RAB12: variants seen among roughly 807,000 people sequenced by gnomAD.
The protein encoded by RAB12 is RAB12, member RAS oncogene family.
Under a neutral mutation model 28.4 loss-of-function variants are expected in RAB12, and 11 were observed. The observed-to-expected ratio is 0.39, with a 90% confidence interval of 0.24 to 0.64. The LOEUF (loss-of-function observed/expected upper bound fraction) is 0.64. RAB12 is among the 30% of genes least tolerant of loss of function. The probability of loss-of-function intolerance (pLI) is 0.50; values close to 1 mark genes in which losing one functional copy is unlikely to be tolerated. For missense variants in RAB12, 276 were observed against 351.1 expected (o/e 0.79, Z 1.71); for synonymous variants, 138 against 145.3 (o/e 0.95, Z 0.36).
chr18:8,613,305 A>G (rs1382113178), intron 1 of RAB12, among the ~76,000 whole-genome samples: 10 of 152,228 alleles, frequency 6.6e-5, no homozygotes, highest in Admixed American at 6.5e-4. Flanking sequence ...AAAGTTTGAG[A>G]AACAGAAAAA....
rs1223899021 is a variant in RAB12, at chr18:8,638,971, G to T, written c.*709G>T. ...AAATGTTTTTGAAACTATAGAAAAAGATTTTAAAACACGCTGCTGTCCTAA... is the reference window on the plus strand; with the variant it reads ...AAATGTTTTTGAAACTATAGAAAAATATTTTAAAACACGCTGCTGTCCTAA... On this transcript the variant is annotated 3_prime_UTR_variant, in exon 6 of 6. Transcript: ENST00000649141. 1 of 152,010 alleles carries T rather than the reference G, an allele frequency of 6.6e-6. No homozygotes were observed. The highest frequency in any genetic ancestry group is 1.5e-5 in the Non-Finnish European group (1 of 67,990). The allele number at this position is 152,010 out of a possible 1,614,324, so 9.4% of individuals were successfully genotyped here.
In RAB12 at chr18:8,638,712, T is replaced by A. The variant is rs2096020397; in HGVS notation, c.*450T>A. On this transcript the variant is annotated 3_prime_UTR_variant, in exon 6 of 6. Transcript: ENST00000649141. Reference sequence around the variant, plus strand: ...CTATCTTAAGTGCTTTTTCTTTATTTACAAGACATTTCCCCCAGTGGTAGC... The same window carrying A: ...CTATCTTAAGTGCTTTTTCTTTATTAACAAGACATTTCCCCCAGTGGTAGC... 1 of 154,512 alleles carries A rather than the reference T, an allele frequency of 6.5e-6. No homozygotes were observed. The highest frequency in any genetic ancestry group is 1.4e-5 in the Non-Finnish European group (1 of 69,386). 9.6% of individuals were successfully genotyped at this position (154,512 alleles called of 1,614,324 possible). A position where few individuals can be genotyped will look rare whatever the true frequency, so the allele number is the denominator to read the frequency against.
chr18:8,630,360 T>C (rs2148710564), intron 2 of RAB12, among the ~76,000 whole-genome samples: 1 of 152,338 alleles, frequency 6.6e-6, no homozygotes, highest in Admixed American at 6.5e-5. Flanking sequence ...AGTTATTATC[T>C]ATAGAAAGCA....
chr18:8,609,613 G>T lies in RAB12; in HGVS notation c.174G>T (p.Glu58Asp). The change falls in exon 1 of 6, where the codon GAG becomes GAT. Residue 58 changes from glutamate to aspartate, a missense_variant. Coordinates refer to ENST00000649141, the MANE Select transcript of RAB12 (RefSeq NM_001025300.3). Reference sequence around the variant, plus strand: ...GGCCGCTCCAGCGGGCGGAAGCCGAGCCCGGGGCCGACCCCCCGCGCGCGG... The same window carrying T: ...GGCCGCTCCAGCGGGCGGAAGCCGATCCCGGGGCCGACCCCCCGCGCGCGG... ...PPGPLQRAEA[E>D]PGADPPRAAE... The T allele has an allele frequency of 5.4e-6, 2 of 371,690 alleles. No homozygotes were observed. The highest frequency in any genetic ancestry group is 7.4e-6 in the Non-Finnish European group (2 of 271,426). 23.0% of individuals were successfully genotyped at this position (371,690 alleles called of 1,614,324 possible). A position where few individuals can be genotyped will look rare whatever the true frequency, so the allele number is the denominator to read the frequency against.
intron 5 of RAB12, among the ~76,000 whole-genome samples, chr18:8,637,231 G>A (rs11081399): frequency 0.12 from 18,382 of 150,128 alleles, 1,323 homozygotes; most frequent in Admixed American, 0.17. Flanking sequence ...AGCTATGATC[G>A]TATCTACACT....
At chr18:8,614,061 G>T (rs562869784) in intron 1 of RAB12, among the ~76,000 whole-genome samples, 51 of 152,300 alleles carry the variant, frequency 3.3e-4, no homozygotes, top group African/African-American at 1.2e-3. Flanking sequence ...CTTTCTGTCT[G>T]TTCCTTAGCT....
At chr18:8,624,107 C>T (rs1228696024) in intron 1 of RAB12, among the ~76,000 whole-genome samples, 1 of 152,254 alleles carries the variant, frequency 6.6e-6, no homozygotes, top group Non-Finnish European at 1.5e-5. Flanking sequence ...ACCCTGGGTC[C>T]CAAGGAAGCT....
In RAB12 at chr18:8,630,947, G is replaced by A. The variant is rs552880188; in HGVS notation, c.576-2242G>A. On this transcript the variant is annotated intron_variant, in intron 2 of 5. Coordinates refer to ENST00000649141, the MANE Select transcript of RAB12 (RefSeq NM_001025300.3). ...TCTGTCCCCTAGGCTGCAGTGCAGT[G>A]GCGCGATTGCAGTTAACTGCAACCT... is the stretch of plus-strand genomic sequence containing the variant. Among the ~76,000 whole-genome samples the A allele has an allele frequency of 4.6e-5, 7 of 152,382 alleles. No individual in the cohort carries two copies. In the South Asian group the frequency reaches 1.4e-3, roughly 32 times the overall value.
intron 2 of RAB12, among the ~76,000 whole-genome samples, chr18:8,632,007 G>A (rs2096016243): frequency 6.6e-6 from 1 of 152,088 alleles, no homozygotes; most frequent in South Asian, 2.1e-4. Flanking sequence ...TGGAGGCTGG[G>A]CTGGTAGCTT....
chr18:8,618,536 G>A (rs973585407), intron 1 of RAB12, among the ~76,000 whole-genome samples: 1 of 150,706 alleles, frequency 6.6e-6, no homozygotes, highest in Non-Finnish European at 1.5e-5. Context: ...TTGAGACAGA[G>A]CCTTGCTCTG....
chr18:8,610,461 T>A (rs1230148750), intron 1 of RAB12, among the ~76,000 whole-genome samples: 1 of 152,244 alleles, frequency 6.6e-6, no homozygotes, highest in Non-Finnish European at 1.5e-5. Flanking sequence ...AAAACTACAG[T>A]AAGTTTCTCG....
chr18:8,632,573 C>T (rs958683218), intron 2 of RAB12, among the ~76,000 whole-genome samples: 2 of 152,112 alleles, frequency 1.3e-5, no homozygotes, highest in African/African-American at 4.8e-5. Flanking sequence ...CCACGCCTGC[C>T]CCCAGCACTC....
rs776559461 is a variant in RAB12 at position 8,609,847 on chromosome 18, C to T, written c.408C>T (p.Asp136=). 2 of 1,582,578 alleles carry T rather than the reference C, an allele frequency of 1.3e-6. No individual in the cohort carries two copies. The highest frequency in any genetic ancestry group is 2.4e-5 in the East Asian group (1 of 40,886). ...RRRKQPPRPA[D]FKLQVIIIGS... ...GGAAGCAGCCCCCCAGGCCGGCCGA[C>T]TTCAAGTTGCAGGTCATCATTATCG... Residue 136 remains aspartate, a synonymous_variant, in exon 1 of 6, where the codon GAC becomes GAT. Transcript: ENST00000649141.
intron 1 of RAB12, among the ~76,000 whole-genome samples, chr18:8,618,714 G>A (rs190849798): frequency 1.2e-4 from 19 of 152,262 alleles, no homozygotes; most frequent in East Asian, 1.2e-3. Flanking sequence ...AGGTTTCACC[G>A]TGTTAGCCAG....
intron 3 of RAB12, among the ~76,000 whole-genome samples, chr18:8,634,269 A>ATCTC (rs1379933126): frequency 1.2e-5 from 1 of 83,738 alleles, no homozygotes; most frequent in African/African-American, 3.5e-5. Context: ...GTGGGACTCC[A>ATCTC]TCTCTCTCTC....
At chr18:8,632,999 G>A (rs1216931935) in intron 2 of RAB12, 190 bp from the exon 3 acceptor site, 4 of 610,244 alleles carry the variant, frequency 6.6e-6, no homozygotes, top group African/African-American at 5.6e-5. Flanking sequence ...TATTTTCTAT[G>A]TCATAGTTTT....
chr18:8,615,000 G>A (rs2096005979), intron 1 of RAB12, among the ~76,000 whole-genome samples: 1 of 152,212 alleles, frequency 6.6e-6, no homozygotes, highest in South Asian at 2.1e-4. Flanking sequence ...CTCCGCTGCA[G>A]GCCGCAGTCC....
At chr18:8,632,235 G>A (rs2096016359) in intron 2 of RAB12, among the ~76,000 whole-genome samples, 1 of 146,646 alleles carries the variant, frequency 6.8e-6, no homozygotes, top group Admixed American at 7.0e-5. Context: ...CCAAGATCAT[G>A]TCACTGATTG....
At chr18:8,610,456 T>C (rs78713645) in intron 1 of RAB12, among the ~76,000 whole-genome samples, 1 of 152,358 alleles carries the variant, frequency 6.6e-6, no homozygotes, top group East Asian at 1.9e-4. Context: ...AAACTAAAAC[T>C]ACAGTAAGTT....
Sources: gnomAD v4.1 joint callset for allele counts (sites outside exome capture counted in the v4.1 genomes callset) on GRCh38, gnomAD v4.1.1 for gene constraint, MANE v1.5 for transcripts, NCBI Gene and HGNC (gene_info 2026-07-23, HGNC 2026-07-21) for gene names.